ANXA5: variants seen among roughly 807,000 people sequenced by gnomAD.
ANXA5 encodes CBP-I.
ANXA5 carries 40 observed loss-of-function variants against 48.1 expected under a neutral mutation model. The observed-to-expected ratio is 0.83, with a 90% CI of 0.65 to 1.08. The LOEUF is 1.08. Ranked by LOEUF, ANXA5 falls within the 50% of genes least tolerant of loss-of-function variation. The pLI is 0.00. For synonymous variants in ANXA5, 113 were observed against 129.1 expected, an observed-to-expected ratio of 0.88 and a Z score of 0.85; for missense variants, 357 against 376.8, an observed-to-expected ratio of 0.95 and a Z score of 0.44.
intron 8 of ANXA5, among the ~76,000 whole-genome samples, chr4:121,674,810 A>G (rs1416362018): frequency 1.3e-5 from 2 of 152,126 alleles, no homozygotes; most frequent in African/African-American, 4.8e-5. Flanking sequence ...ATCCATCTGG[A>G]TGAGGGACCC....
chr4:121,686,834 C>T (rs761775696), intron 2 of ANXA5, among the ~76,000 whole-genome samples: 8 of 152,098 alleles, frequency 5.3e-5, no homozygotes, highest in Non-Finnish European at 7.3e-5. Flanking sequence ...AGGGACTTTA[C>T]GATAACCCAG....
rs1418750732 is a variant in ANXA5 at position 121,668,029 on chromosome 4, A to C, written c.*439T>G. On this transcript the variant is annotated 3_prime_UTR_variant, in exon 13 of 13. Transcript: ENST00000296511. ...GGACAGAAATGTTTATTTTTCATTA[A>C]TCTTTTGAATACAATCATCATAATT... The C allele has an allele frequency of 6.5e-6, 1 of 153,654 alleles. No homozygotes were observed. Among genetic ancestry groups the C allele is most frequent in the East Asian group, 1.9e-4 (1 of 5,224 alleles). The allele number at this position is 153,654 out of a possible 1,614,324, so 9.5% of individuals were successfully genotyped here. A position where few individuals can be genotyped will look rare whatever the true frequency, so the allele number is the denominator to read the frequency against.
At chr4:121,676,129 A>T (rs1007189952) in intron 8 of ANXA5, among the ~76,000 whole-genome samples, 2 of 152,188 alleles carry the variant, frequency 1.3e-5, no homozygotes, top group African/African-American at 4.8e-5. Context: ...CTCCTAGCAA[A>T]GCCACAACCA....
At chr4:121,669,843 T>A in intron 11 of ANXA5, 111 bp downstream of exon 11, 1 of 1,457,064 alleles carries the variant, frequency 6.9e-7, no homozygotes, top group Non-Finnish European at 9.4e-7. Context: ...CTGGGTTGAA[T>A]GTTATAAGGG....
chr4:121,686,220 CTGTAAT>C, intron 3 of ANXA5, 62 bp downstream of exon 3: 3 of 1,140,656 alleles, frequency 2.6e-6, no homozygotes, highest in Middle Eastern at 2.0e-4. Context: ...ATTATTCTTA[CTGTAAT>C]TAATGACTTG....
At position 121,686,388 on chromosome 4, in the gene ANXA5, CAG is replaced by C; in HGVS notation, c.10-18_10-17del. ...CTCTGAGAACCTAATTCACGAAACA[CAG>C]TGGTATTATTCATATCATGACTAAT... is the stretch of plus-strand genomic sequence containing the variant. On this transcript the variant is annotated splice_polypyrimidine_tract_variant and intron_variant, in intron 2 of 12. Coordinates refer to ENST00000296511, the MANE Select transcript of ANXA5 (RefSeq NM_001154.4). 6.3e-7 allele frequency: 1 copy of C among 1,596,720 alleles called. No individual in the cohort carries two copies. Among genetic ancestry groups the C allele is most frequent in the East Asian group, 2.2e-5 (1 of 44,802 alleles).
intron 6 of ANXA5, among the ~76,000 whole-genome samples, chr4:121,680,090 ATC>A (rs895631675): frequency 1.3e-5 from 2 of 152,172 alleles, no homozygotes. Flanking sequence ...CTGTTTTACT[ATC>A]TGTTTCTATG....
intron 2 of ANXA5, among the ~76,000 whole-genome samples, chr4:121,694,660 G>A (rs754159556): frequency 6.6e-6 from 1 of 152,198 alleles, no homozygotes; most frequent in Non-Finnish European, 1.5e-5. Flanking sequence ...TAGGATTACA[G>A]GCATGAGCCA....
At chr4:121,670,456 C>T (rs1221241833) in intron 10 of ANXA5, among the ~76,000 whole-genome samples, 3 of 152,110 alleles carry the variant, frequency 2.0e-5, no homozygotes, top group African/African-American at 4.8e-5. Context: ...TCTTCCTATA[C>T]TCTCTACATA....
chr4:121,673,855 T>C (rs1421955082), intron 8 of ANXA5, among the ~76,000 whole-genome samples: 1 of 151,960 alleles, frequency 6.6e-6, no homozygotes. Flanking sequence ...ATTGAGAAAT[T>C]TTATAAAACT....
intron 2 of ANXA5, among the ~76,000 whole-genome samples, chr4:121,695,984 T>C (rs1208380276): frequency 6.6e-6 from 1 of 151,338 alleles, no homozygotes; most frequent in Non-Finnish European, 1.5e-5. Flanking sequence ...GCAAATTCAA[T>C]TGAGAACTCG....
intron 10 of ANXA5, among the ~76,000 whole-genome samples, chr4:121,671,268 T>C (rs570058400): frequency 4.3e-4 from 65 of 152,314 alleles, no homozygotes; most frequent in African/African-American, 1.5e-3. Flanking sequence ...CCACGACATT[T>C]CAGGTTTATC....
intron 1 of ANXA5, 25 bp downstream of exon 1, chr4:121,696,838 C>T (rs1472066783): frequency 2.8e-6 from 1 of 362,294 alleles, no homozygotes; most frequent in Non-Finnish European, 5.0e-6. Context: ...AGAAGGAGCC[C>T]CCTCCCCGGG....
intron 8 of ANXA5, among the ~76,000 whole-genome samples, chr4:121,673,612 G>A (rs1724647013): frequency 6.6e-6 from 1 of 151,758 alleles, no homozygotes; most frequent in Non-Finnish European, 1.5e-5. Flanking sequence ...TATATTTCTG[G>A]AGAATAAGAA....
intron 5 of ANXA5, among the ~76,000 whole-genome samples, chr4:121,683,122 T>C (rs559988364): frequency 5.9e-5 from 9 of 152,188 alleles, no homozygotes; most frequent in East Asian, 3.9e-4. Context: ...CAAAAAGCTA[T>C]AAAAATATGA....
chr4:121,681,490 A>G (rs903848641), intron 6 of ANXA5, 181 bp downstream of exon 6: 31 of 508,014 alleles, frequency 6.1e-5, no homozygotes, highest in Non-Finnish European at 4.6e-5. Flanking sequence ...AGAGGATAAC[A>G]AGGCAGTCTT....
Position 121,683,491 on chromosome 4 carries a change from A to G in ANXA5, c.190-14T>C. 4.1e-6 allele frequency: 6 copies of G among 1,473,014 alleles called. No individual in the cohort carries two copies. The highest frequency in any genetic ancestry group is 4.7e-6 in the Non-Finnish European group (5 of 1,058,198). 91.2% of individuals were successfully genotyped at this position (1,473,014 alleles called of 1,614,324 possible). The stretch of plus-strand genomic sequence containing the variant: ...ATCCAGAAGATCCTAACCCACAGAA[A>G]ATACAAATTTGTTAACCAGCAGAAA... On this transcript the variant is annotated splice_polypyrimidine_tract_variant and intron_variant, in intron 4 of 12. Coordinates refer to ENST00000296511, the MANE Select transcript of ANXA5 (RefSeq NM_001154.4).
chr4:121,679,173 A>G (rs1724749416), intron 6 of ANXA5, among the ~76,000 whole-genome samples: 1 of 152,238 alleles, frequency 6.6e-6, no homozygotes, highest in African/African-American at 2.4e-5. Context: ...ACGAACTTTA[A>G]AAGCCTGAAA....
At position 121,683,445 on chromosome 4, in the gene ANXA5, A is replaced by G. The variant is rs1333270884; in HGVS notation, c.222T>C (p.Thr74=). 1 of 1,611,220 alleles carries G rather than the reference A, an allele frequency of 6.2e-7. No homozygotes were observed. The highest frequency in any genetic ancestry group is 1.3e-5 in the African/African-American group (1 of 74,918). The change falls in exon 5 of 13, where the codon ACT becomes ACC. Residue 74 remains threonine, a synonymous_variant. Coordinates refer to ENST00000296511, the MANE Select transcript of ANXA5 (RefSeq NM_001154.4). ...CCACAATTAATTTTTCAAATTTTCC[A>G]GTTAGTTCTGATTTCAGGTCATCCA... ...DLLDDLKSEL[T]GKFEKLIVAL...
Sources: gnomAD v4.1 joint callset for allele counts (sites outside exome capture counted in the v4.1 genomes callset) on GRCh38, gnomAD v4.1.1 for gene constraint, MANE v1.5 for transcripts, NCBI Gene and HGNC (gene_info 2026-07-23, HGNC 2026-07-21) for gene names.